Variants in ELP4 observed in about 807,000 individuals in gnomAD.
ELP4 encodes the protein elongator acetyltransferase complex subunit 4.
Under a neutral mutation model 48.9 loss-of-function variants are expected in ELP4, and 51 were observed. That is an observed-to-expected ratio of 1.04 (90% CI 0.83 to 1.32). The LOEUF (loss-of-function observed/expected upper bound fraction) is 1.32, where lower values mean the gene tolerates loss of function less well. Ranked by LOEUF, ELP4 falls within the 40% of genes most tolerant of loss-of-function variation. ELP4 has a pLI of 0.00. For missense variants in ELP4, 519 were observed against 514.6 expected, an observed-to-expected ratio of 1.01 and a Z score of -0.08; for synonymous variants, 210 against 189.2, an observed-to-expected ratio of 1.11 and a Z score of -0.90.
In ELP4 at chr11:31,706,925, A is replaced by G. The variant is rs149689211; in HGVS notation, c.1143+56704A>G. ...AAATGTCAGGATTACATTCTTTTTT[A>G]TTGCTAAATATTATTCCATTGTGTA... On this transcript the variant is annotated intron_variant, in intron 9 of 9. Coordinates refer to ENST00000640961, the MANE Select transcript of ELP4 (RefSeq NM_019040.5). The G allele has an allele frequency of 2.9e-3, 1,153 of 397,888 alleles. 10 individuals carry two copies. The highest frequency in any genetic ancestry group is 0.022 in the African/African-American group (1,056 of 48,692). The allele number at this position is 397,888 out of a possible 1,614,324, so 24.6% of individuals were successfully genotyped here.
intron 9 of ELP4, chr11:31,714,721 G>A (rs898592559): frequency 5.0e-6 from 2 of 398,472 alleles, no homozygotes; most frequent in African/African-American, 4.1e-5. Flanking sequence ...GCTTCTAGAG[G>A]TTGCCTGCAT....
intron 3 of ELP4, among the ~76,000 whole-genome samples, chr11:31,561,505 A>G (rs2133942815): frequency 6.6e-6 from 1 of 152,184 alleles, no homozygotes; most frequent in East Asian, 1.9e-4. Flanking sequence ...GCAGTGGTGC[A>G]ATCGCAGCTC....
chr11:31,608,739 G>A (rs371101126), intron 5 of ELP4, among the ~76,000 whole-genome samples: 1 of 152,082 alleles, frequency 6.6e-6, no homozygotes, highest in East Asian at 1.9e-4. Context: ...TAAGGAAGGA[G>A]TGTGAAGAAA....
intron 5 of ELP4, among the ~76,000 whole-genome samples, chr11:31,623,608 T>G (rs1197325879): frequency 6.6e-6 from 1 of 150,486 alleles, no homozygotes; most frequent in African/African-American, 2.4e-5. Context: ...AGGAATTTAT[T>G]TTATTACTTA....
chr11:31,692,696 C>A (rs1372050173), intron 9 of ELP4, among the ~76,000 whole-genome samples: 2 of 152,108 alleles, frequency 1.3e-5, no homozygotes, highest in Non-Finnish European at 2.9e-5. Context: ...AATTCCAATT[C>A]CTCGAAGGCT....
At position 31,590,818 on chromosome 11, in the gene ELP4, A is replaced by G. The variant is rs180704238; in HGVS notation, c.382-3952A>G. ...ACCAGAACTCATTATTGCAAGGACAATACCATGGGGTATGATGTTAAACCA... is the reference window on the plus strand; with the variant it reads ...ACCAGAACTCATTATTGCAAGGACAGTACCATGGGGTATGATGTTAAACCA... On this transcript the variant is annotated intron_variant, in intron 3 of 9. Transcript: ENST00000640961. Among the ~76,000 whole-genome samples, 209 of 152,252 alleles carry G rather than the reference A, an allele frequency of 1.4e-3. 1 individual carries two copies. Among genetic ancestry groups the G allele is most frequent in the South Asian group, 2.3e-3 (11 of 4,828 alleles).
At chr11:31,631,245 C>A (rs1051602129) in intron 6 of ELP4, among the ~76,000 whole-genome samples, 2 of 152,046 alleles carry the variant, frequency 1.3e-5, no homozygotes, top group Non-Finnish European at 2.9e-5. Context: ...TAAATTTTAT[C>A]AGTGGTATTT....
At chr11:31,635,552 AT>A (rs1944957169) in intron 7 of ELP4, among the ~76,000 whole-genome samples, 1 of 151,978 alleles carries the variant, frequency 6.6e-6, no homozygotes, top group Non-Finnish European at 1.5e-5. Context: ...CCATTCGATG[AT>A]AGAAAGAACC....
At position 31,786,901 on chromosome 11, in the gene ELP4, T is replaced by A. The variant is rs970776500; in HGVS notation, c.*3377T>A. 5 of 219,544 alleles carry A rather than the reference T, an allele frequency of 2.3e-5. No homozygotes were observed. In the Admixed American group the frequency reaches 2.9e-4, roughly 13 times the overall value. 13.6% of individuals were successfully genotyped at this position (219,544 alleles called of 1,614,324 possible). A position where few individuals can be genotyped will look rare whatever the true frequency, so the allele number is the denominator to read the frequency against. Reference sequence around the variant, plus strand: ...AAGTCAGTCAAGTTTGGAGAAAAAATTTAGACGTTTAGTCCTGGGATTCTA... The same window carrying A: ...AAGTCAGTCAAGTTTGGAGAAAAAAATTAGACGTTTAGTCCTGGGATTCTA... On this transcript the variant is annotated 3_prime_UTR_variant, in exon 10 of 10. Transcript: ENST00000640961.
chr11:31,751,222 G>A (rs1294966420), intron 9 of ELP4, among the ~76,000 whole-genome samples: 1 of 152,194 alleles, frequency 6.6e-6, no homozygotes, highest in East Asian at 1.9e-4. Context: ...TTGTAAAGCT[G>A]ACTATGGCCG....
At chr11:31,722,951 C>T (rs1451732484) in intron 9 of ELP4, among the ~76,000 whole-genome samples, 3 of 152,194 alleles carry the variant, frequency 2.0e-5, no homozygotes, top group Non-Finnish European at 4.4e-5. Context: ...CCAGGCATCA[C>T]CCTCCCACAG....
At chr11:31,534,094 C>T (rs896772395) in intron 2 of ELP4, among the ~76,000 whole-genome samples, 1 of 152,156 alleles carries the variant, frequency 6.6e-6, no homozygotes, top group Non-Finnish European at 1.5e-5. Context: ...CCTCGGCCTC[C>T]CAAAGTGCTG....
intron 9 of ELP4, among the ~76,000 whole-genome samples, chr11:31,673,689 A>G (rs1240117549): frequency 6.6e-6 from 1 of 152,208 alleles, no homozygotes; most frequent in Non-Finnish European, 1.5e-5. Flanking sequence ...TCATAGTCCC[A>G]TTATCAGTTA....
At chr11:31,675,343 C>A (rs10835803) in intron 9 of ELP4, among the ~76,000 whole-genome samples, 54,870 of 151,122 alleles carry the variant, frequency 0.36, 11,910 homozygotes, top group East Asian at 0.63. Context: ...CAGCTCACTG[C>A]AACCTCCGCC....
chr11:31,550,059 G>C (rs186142629), intron 3 of ELP4, among the ~76,000 whole-genome samples: 95 of 151,836 alleles, frequency 6.3e-4, no homozygotes, highest in African/African-American at 2.0e-3. Flanking sequence ...TGGGTGCAGC[G>C]CACCAGCATG....
chr11:31,614,865 C>T (rs1419713887), intron 5 of ELP4, among the ~76,000 whole-genome samples: 3 of 152,252 alleles, frequency 2.0e-5, no homozygotes, highest in Non-Finnish European at 2.9e-5. Context: ...ATCTAACGAA[C>T]TTCCATATTG....
At chr11:31,632,063 A>T (rs1359354265) in intron 6 of ELP4, among the ~76,000 whole-genome samples, 154 bp from the exon 7 acceptor site, 1 of 152,092 alleles carries the variant, frequency 6.6e-6, no homozygotes, top group Admixed American at 6.6e-5. Flanking sequence ...AGTTTCATTT[A>T]TACTGCTTTA....
At chr11:31,549,860 C>T (rs1956810511) in intron 3 of ELP4, among the ~76,000 whole-genome samples, 1 of 152,144 alleles carries the variant, frequency 6.6e-6, no homozygotes, top group Admixed American at 6.5e-5. Flanking sequence ...AATTGGAAAT[C>T]ATCATTCTCA....
intron 3 of ELP4, among the ~76,000 whole-genome samples, chr11:31,587,340 A>G (rs1957492918): frequency 6.6e-6 from 1 of 152,234 alleles, no homozygotes; most frequent in African/African-American, 2.4e-5. Context: ...ATAAACCGTA[A>G]CAGCACTGAA....
Sources: allele counts gnomAD v4.1 joint callset (sites outside exome capture counted in the v4.1 genomes callset), GRCh38; gene constraint gnomAD v4.1.1; transcripts MANE v1.5; gene names NCBI Gene and HGNC (gene_info 2026-07-23, HGNC 2026-07-21).